The following PREPL variants were observed in gnomAD, a reference collection of about 807,000 sequenced individuals.
The protein encoded by PREPL is prolyl endopeptidase like.
PREPL carries 77 observed loss-of-function variants against 70.6 expected under a neutral mutation model. The observed-to-expected ratio is 1.09, with a 90% CI of 0.91 to 1.32. PREPL has a LOEUF of 1.32. PREPL is among the 40% of genes most tolerant of loss of function. The pLI, the probability that PREPL is intolerant of heterozygous loss-of-function variation, is 0.00. For synonymous variants in PREPL, 315 were observed against 264.8 expected (o/e 1.19, Z -1.84); for missense variants, 1,002 against 778.2 (o/e 1.29, Z -3.42).
chr2:44,348,479 ATC>A (rs928621916), intron 1 of PREPL, among the ~76,000 whole-genome samples: 1 of 152,196 alleles, frequency 6.6e-6, no homozygotes, highest in African/African-American at 2.4e-5. Flanking sequence ...AGTCAGGATT[ATC>A]TCTCTACTAC....
chr2:44,323,506 G>A, intron 10 of PREPL, 95 bp from the exon 11 acceptor site: 5 of 996,888 alleles, frequency 5.0e-6, no homozygotes, highest in Non-Finnish European at 7.0e-6. Context: ...ATACTAATAT[G>A]AGAGAAAATA....
intron 8 of PREPL, among the ~76,000 whole-genome samples, chr2:44,329,963 C>A (rs1022558845): frequency 6.6e-6 from 1 of 152,158 alleles, no homozygotes; most frequent in Non-Finnish European, 1.5e-5. Context: ...CCAAGTCACT[C>A]TTCATATTTT....
At chr2:44,346,575 G>A (rs976717879) in intron 1 of PREPL, among the ~76,000 whole-genome samples, 185 bp from the exon 2 acceptor site, 2 of 151,718 alleles carry the variant, frequency 1.3e-5, no homozygotes, top group East Asian at 1.9e-4. Flanking sequence ...GATCTTTTTC[G>A]TTAAAAAAAG....
In PREPL at chr2:44,321,166, T is replaced by C; in HGVS notation, c.*190A>G. The C allele has an allele frequency of 1.7e-6, 1 of 576,522 alleles. No homozygotes were observed. Among genetic ancestry groups the C allele is most frequent in the Non-Finnish European group, 3.1e-6 (1 of 319,886 alleles). 35.7% of individuals were successfully genotyped at this position (576,522 alleles called of 1,614,324 possible). ...AATTACTTTCCTAGGTTAATGGGCA[T>C]GTGCATCAATGGAGAGAATAGTATA... On this transcript the variant is annotated 3_prime_UTR_variant, in exon 14 of 14. Coordinates refer to ENST00000409411, the MANE Select transcript of PREPL (RefSeq NM_001171613.2).
At chr2:44,342,347 C>A in intron 5 of PREPL, 70 bp downstream of exon 5, 1 of 1,390,892 alleles carries the variant, frequency 7.2e-7, no homozygotes, top group Non-Finnish European at 9.7e-7. Flanking sequence ...TTTAAGTCAA[C>A]CAAAGTCAGT....
At chr2:44,359,338 T>C (rs972148658) in intron 1 of PREPL, among the ~76,000 whole-genome samples, 1 of 152,188 alleles carries the variant, frequency 6.6e-6, no homozygotes, top group Non-Finnish European at 1.5e-5. Flanking sequence ...TACTCTTTTA[T>C]ACTTACTTTT....
rs781459763 is a variant in PREPL, at chr2:44,321,452, G to A, written c.1828-7C>T. Reference sequence around the variant, plus strand: ...ATTTAATTTGGGCTGTAATCTAAAAGAAACACATTAAAAAAATTAAATAGA... The same window carrying A: ...ATTTAATTTGGGCTGTAATCTAAAAAAAACACATTAAAAAAATTAAATAGA... On this transcript the variant is annotated splice_region_variant and splice_polypyrimidine_tract_variant and intron_variant, in intron 13 of 13. Coordinates refer to ENST00000409411, the MANE Select transcript of PREPL (RefSeq NM_001171613.2). The A allele has an allele frequency of 8.1e-6, 13 of 1,609,798 alleles. No individual in the cohort carries two copies. The South Asian group carries it at 1.4e-4, about 18-fold the overall frequency.
rs1677475171 is a variant in PREPL at position 44,359,810 on chromosome 2, C to T, written c.-49+1570G>A. On this transcript the variant is annotated intron_variant, in intron 1 of 13. Coordinates refer to ENST00000409411, the MANE Select transcript of PREPL (RefSeq NM_001171613.2). ...ACAGAGTAGTGGGTTCTCAGAGTAACTAAGATCAGCAGTTCTCATCCCTCC... is the reference window on the plus strand; with the variant it reads ...ACAGAGTAGTGGGTTCTCAGAGTAATTAAGATCAGCAGTTCTCATCCCTCC... 5 of 838,110 alleles carry T rather than the reference C, an allele frequency of 6.0e-6. No homozygotes were observed. The East Asian group carries it at 1.0e-4, about 17-fold the overall frequency. The allele number at this position is 838,110 out of a possible 1,614,324, so 51.9% of individuals were successfully genotyped here.
intron 2 of PREPL, 124 bp downstream of exon 2, chr2:44,346,139 TCAGCA>T: frequency 1.3e-6 from 1 of 785,790 alleles, no homozygotes; most frequent in Non-Finnish European, 1.9e-6. Context: ...TTTAAGTTTT[TCAGCA>T]TATTTTAAAG....
At chr2:44,341,374 T>C (rs1675202637) in intron 5 of PREPL, among the ~76,000 whole-genome samples, 1 of 152,182 alleles carries the variant, frequency 6.6e-6, no homozygotes, top group African/African-American at 2.4e-5. Flanking sequence ...CTATTATTTG[T>C]CTATCAATTT....
Position 44,318,483 on chromosome 2 carries a change from G to T in PREPL, c.*2873C>A, listed in dbSNP as rs1249078660. 6.0e-6 allele frequency: 1 copy of T among 166,108 alleles called. No individual in the cohort carries two copies. The allele number at this position is 166,108 out of a possible 1,614,324, so 10.3% of individuals were successfully genotyped here. Reference sequence around the variant, plus strand: ...CTATCAACTATGGGCCCAGTATGCAGCTTTTAAAAATGACAGTTCTATATA... The same window carrying T: ...CTATCAACTATGGGCCCAGTATGCATCTTTTAAAAATGACAGTTCTATATA... On this transcript the variant is annotated 3_prime_UTR_variant, in exon 14 of 14. Transcript: ENST00000409411.
At chr2:44,322,010 A>G in intron 12 of PREPL, 110 bp from the exon 13 acceptor site, 1 of 1,150,234 alleles carries the variant, frequency 8.7e-7, no homozygotes, top group Non-Finnish European at 1.2e-6. Context: ...ATAATAGTAA[A>G]GGAATAAAAA....
At chr2:44,331,622 A>G (rs763447927) in intron 8 of PREPL, among the ~76,000 whole-genome samples, 42 of 152,162 alleles carry the variant, frequency 2.8e-4, no homozygotes, top group Non-Finnish European at 4.9e-4. Flanking sequence ...CTTACCTGAG[A>G]CATAACTTCC....
intron 7 of PREPL, among the ~76,000 whole-genome samples, chr2:44,337,915 G>A (rs1054697822): frequency 3.3e-5 from 5 of 152,234 alleles, no homozygotes; most frequent in African/African-American, 1.2e-4. Context: ...AGAAGATGAT[G>A]CAGACAAAAG....
intron 7 of PREPL, among the ~76,000 whole-genome samples, chr2:44,337,714 A>G (rs1199516634): frequency 6.6e-6 from 1 of 152,152 alleles, no homozygotes; most frequent in East Asian, 1.9e-4. Flanking sequence ...TCATTCACCA[A>G]TTTTAGGAAG....
chr2:44,326,383 CTTTT>C (rs554397665), intron 10 of PREPL, among the ~76,000 whole-genome samples: 1 of 128,198 alleles, frequency 7.8e-6, no homozygotes, highest in Non-Finnish European at 1.7e-5. Context: ...TTTTTCTTTC[CTTTT>C]TTTTTTTTTT....
chr2:44,338,195 T>C (rs1674833024), intron 7 of PREPL, among the ~76,000 whole-genome samples, 156 bp downstream of exon 7: 1 of 152,170 alleles, frequency 6.6e-6, no homozygotes, highest in Admixed American at 6.5e-5. Context: ...AAGATAACCC[T>C]CCTAAACCCA....
intron 10 of PREPL, among the ~76,000 whole-genome samples, chr2:44,325,866 C>A (rs1402190222): frequency 2.0e-5 from 3 of 152,124 alleles, no homozygotes; most frequent in African/African-American, 4.8e-5. Flanking sequence ...GCAGTGAAAC[C>A]AACTGCTACA....
chr2:44,352,446 G>C (rs1051115542), intron 1 of PREPL, among the ~76,000 whole-genome samples: 1 of 152,094 alleles, frequency 6.6e-6, no homozygotes, highest in Non-Finnish European at 1.5e-5. Flanking sequence ...ATTGTTTGTA[G>C]AGACAGGGTT....
Sources: gnomAD v4.1 joint callset for allele counts (sites outside exome capture counted in the v4.1 genomes callset) on GRCh38, gnomAD v4.1.1 for gene constraint, MANE v1.5 for transcripts, NCBI Gene and HGNC (gene_info 2026-07-23, HGNC 2026-07-21) for gene names.